The following HPS6 variants were observed in gnomAD, a reference collection of about 807,000 sequenced individuals.
The protein encoded by HPS6 is BLOC-2 complex member HPS6.
A neutral mutation model predicts 53.6 loss-of-function variants in HPS6; 46 were observed. That is an observed-to-expected ratio of 0.86 (90% confidence interval 0.68 to 1.10). HPS6 has a LOEUF of 1.10. Ranked by LOEUF, HPS6 falls within the 50% of genes least tolerant of loss-of-function variation. The probability of loss-of-function intolerance (pLI) is 0.00; values close to 1 mark genes in which losing one functional copy is unlikely to be tolerated. For synonymous variants in HPS6, 535 were observed against 470.8 expected (o/e 1.14, Z -1.77); for missense variants, 1,034 against 991.3 (o/e 1.04, Z -0.58).
chr10:102,067,429 C>T lies in HPS6; in HGVS notation c.1955C>T (p.Ala652Val). Residue 652 changes from alanine to valine, a missense_variant, in exon 1 of 1, where the codon GCT becomes GTT. Transcript: ENST00000299238. ...QLVQKEQWDR[A>V]LDAGLALGPS... ...GTGCAAAAGGAACAATGGGATCGGGCTCTGGATGCTGGCCTGGCCCTCGGC... is the reference window on the plus strand; with the variant it reads ...GTGCAAAAGGAACAATGGGATCGGGTTCTGGATGCTGGCCTGGCCCTCGGC... The T allele has an allele frequency of 6.2e-7, 1 of 1,613,216 alleles. No individual in the cohort carries two copies. Among genetic ancestry groups the T allele is most frequent in the Non-Finnish European group, 8.5e-7 (1 of 1,180,000 alleles).
Position 102,066,911 on chromosome 10 carries a change from G to A in HPS6, c.1437G>A (p.Glu479=), listed in dbSNP as rs779326573. 1.8e-5 allele frequency: 29 copies of A among 1,614,116 alleles called. No homozygotes were observed. The highest frequency in any genetic ancestry group is 5.0e-5 in the Admixed American group (3 of 60,008). The change falls in exon 1 of 1, where the codon GAG becomes GAA. Residue 479 remains glutamate (E), a synonymous_variant. Coordinates refer to ENST00000299238, the MANE Select transcript of HPS6 (RefSeq NM_024747.6). ...KAQLVAGDDE[E]AGWTELAEQE... is the part of the protein sequence containing the mutation. ...AGCTGGTGGCTGGGGATGATGAGGA[G>A]GCTGGTTGGACTGAGCTGGCGGAGC...
rs920246104 is a variant in HPS6 at position 102,067,426 on chromosome 10, G to C, written c.1952G>C (p.Arg651Pro). The C allele has an allele frequency of 4.3e-6, 7 of 1,613,108 alleles. No individual in the cohort carries two copies. The highest frequency in any genetic ancestry group is 4.5e-5 in the East Asian group (2 of 44,880). The change falls in exon 1 of 1, where the codon CGG becomes CCG. Residue 651 changes from arginine (R) to proline (P), a missense_variant. Transcript: ENST00000299238. ...GQLVQKEQWD[R>P]ALDAGLALGP... ...CTGGTGCAAAAGGAACAATGGGATC[G>C]GGCTCTGGATGCTGGCCTGGCCCTC...
In HPS6 at chr10:102,065,840, G is replaced by A. The variant is rs760893141; in HGVS notation, c.366G>A (p.Pro122=). The change falls in exon 1 of 1, where the codon CCG becomes CCA. Residue 122 remains proline, a synonymous_variant. Coordinates refer to ENST00000299238, the MANE Select transcript of HPS6 (RefSeq NM_024747.6). ...CGCTGCAGAGCACCGAGCTGTGTCC[G>A]GGCGGGGGAGCCCGCGTTGTGGCAG... The part of the protein sequence containing the change: ...WRPLQSTELC[P]GGGARVVAVA... The A allele has an allele frequency of 2.0e-6, 3 of 1,517,294 alleles. No individual in the cohort carries two copies. The highest frequency in any genetic ancestry group is 2.6e-6 in the Non-Finnish European group (3 of 1,138,934). The allele number at this position is 1,517,294 out of a possible 1,614,324, so 94.0% of individuals were successfully genotyped here. A position where few individuals can be genotyped will look rare whatever the true frequency, so the allele number is the denominator to read the frequency against.
Position 102,065,639 on chromosome 10 carries a change from G to A in HPS6, c.165G>A (p.Gln55=), listed in dbSNP as rs767944912. The change falls in exon 1 of 1, where the codon CAG becomes CAA. Residue 55 remains glutamine, a synonymous_variant. Coordinates refer to ENST00000299238, the MANE Select transcript of HPS6 (RefSeq NM_024747.6). ...LLRPPGAVAP[Q]LLVASRGPGA... ...GACCCCCTGGGGCGGTAGCCCCACA[G>A]CTGCTAGTCGCGTCGCGAGGGCCCG... The A allele has an allele frequency of 1.9e-6, 3 of 1,546,264 alleles. No individual in the cohort carries two copies. Among genetic ancestry groups the A allele is most frequent in the South Asian group, 1.2e-5 (1 of 84,722 alleles).
chr10:102,067,290 C>T lies in HPS6; in HGVS notation c.1816C>T (p.Arg606Cys), dbSNP rs200618225. Residue 606 changes from arginine to cysteine, a missense_variant, in exon 1 of 1, where the codon CGC becomes TGC. Physicochemically the swap from Arg to Cys is radical, Grantham distance 180 (BLOSUM62 -3). Transcript: ENST00000299238. ...AGGGGGCCCAGGACTGCCCCTGTATCGCCGAGCTCTGGCAGTGCTAGGTGA... is the reference window on the plus strand; with the variant it reads ...AGGGGGCCCAGGACTGCCCCTGTATTGCCGAGCTCTGGCAGTGCTAGGTGA... ...GAGGPGLPLY[R>C]RALAVLGEEG... The T allele has an allele frequency of 4.2e-5, 67 of 1,612,886 alleles. No homozygotes were observed. The Middle Eastern group carries it at 5.0e-4, about 12-fold the overall frequency.
In HPS6 at chr10:102,066,460, G is replaced by C; in HGVS notation, c.986G>C (p.Gly329Ala). 6.2e-7 allele frequency: 1 copy of C among 1,614,192 alleles called. No individual in the cohort carries two copies. Among genetic ancestry groups the C allele is most frequent in the Non-Finnish European group, 8.5e-7 (1 of 1,180,032 alleles). The change falls in exon 1 of 1, where the codon GGC becomes GCC. Residue 329 changes from glycine (G) to alanine (A), a missense_variant. Physicochemically the swap from Gly to Ala is moderately conservative, Grantham distance 60. Coordinates refer to ENST00000299238, the MANE Select transcript of HPS6 (RefSeq NM_024747.6). ...TFQGTLACVL[G>A]STLELLDMGS... ...CAGGGCACTCTGGCCTGTGTGCTGGGCTCCACATTGGAACTGCTGGACATG... is the reference window on the plus strand; with the variant it reads ...CAGGGCACTCTGGCCTGTGTGCTGGCCTCCACATTGGAACTGCTGGACATG...
chr10:102,066,228 C>T lies in HPS6; in HGVS notation c.754C>T (p.Arg252Trp), dbSNP rs559278390. The change falls in exon 1 of 1, where the codon CGG (arginine) becomes TGG (tryptophan). Residue 252 changes from arginine (R) to tryptophan (W), a missense_variant. Transcript: ENST00000299238. Reference sequence around the variant, plus strand: ...TGGACGAGGGGACACATGGGACTTCCGGACCCTGCTCCGAGGCCTTCCTGG... The same window carrying T: ...TGGACGAGGGGACACATGGGACTTCTGGACCCTGCTCCGAGGCCTTCCTGG... Reference protein sequence around the residue: ...NPGRGDTWDFRTLLRGLPGLL... With the variant: ...NPGRGDTWDFWTLLRGLPGLL... 3.7e-5 allele frequency: 60 copies of T among 1,613,780 alleles called. No homozygotes were observed. The highest frequency in any genetic ancestry group is 1.3e-4 in the African/African-American group (10 of 75,020).
Position 102,067,860 on chromosome 10 carries a change from T to C in HPS6, c.*58T>C. ...GGAGGCTTGCTTGGGACTGGAGGCT[T>C]GCTTGGACAGTTCCTCTGTGTCACT... On this transcript the variant is annotated 3_prime_UTR_variant, in exon 1 of 1. Transcript: ENST00000299238. 1 of 1,567,362 alleles carries C rather than the reference T, an allele frequency of 6.4e-7. No individual in the cohort carries two copies. The highest frequency in any genetic ancestry group is 2.2e-5 in the East Asian group (1 of 44,638).
Position 102,066,034 on chromosome 10 carries a change from A to G in HPS6, c.560A>G (p.His187Arg). 6.2e-7 allele frequency: 1 copy of G among 1,608,034 alleles called. No homozygotes were observed. The highest frequency in any genetic ancestry group is 8.5e-7 in the Non-Finnish European group (1 of 1,179,978). Residue 187 changes from histidine to arginine, a missense_variant, in exon 1 of 1, where the codon CAC becomes CGC. Transcript: ENST00000299238. ...GGCCGCACACACGTCCTGCTGCACC[A>G]CTGCCCTGCCTTCGGGCTGCTGGCC... The part of the protein sequence containing the change: ...SLGRTHVLLH[H>R]CPAFGLLASC...
rs202134132 is a variant in HPS6, at chr10:102,067,553, C to T, written c.2079C>T (p.Arg693=). The T allele has an allele frequency of 1.2e-6, 2 of 1,613,712 alleles. No homozygotes were observed. Among genetic ancestry groups the T allele is most frequent in the Non-Finnish European group, 1.7e-6 (2 of 1,180,034 alleles). Residue 693 remains arginine, a synonymous_variant, in exon 1 of 1, where the codon CGC becomes CGT. Coordinates refer to ENST00000299238, the MANE Select transcript of HPS6 (RefSeq NM_024747.6). ...ATGCTCACCTCCCCCTCCTTTGCCG[C>T]CTGTGCCCACCAGAACTGGCTCCAG... ...RLDAHLPLLC[R]LCPPELAPAE... is the part of the protein sequence containing the mutation.
chr10:102,065,477 GA>G lies in HPS6; in HGVS notation c.5del (p.Lys2SerfsTer12). M[K>X]RSGTLRLLSD... ...GCGCGCTCCCGCGCAGCGGCGCCATGAAGCGCTCGGGGACTCTGCGGCTGCT... is the reference window on the plus strand; with the variant it reads ...GCGCGCTCCCGCGCAGCGGCGCCATGAGCGCTCGGGGACTCTGCGGCTGCT... On this transcript the variant is annotated frameshift_variant, in exon 1 of 1. Coordinates refer to ENST00000299238, the MANE Select transcript of HPS6 (RefSeq NM_024747.6). LOFTEE classifies it low-confidence loss of function (END_TRUNC). 2.6e-6 allele frequency: 4 copies of G among 1,557,272 alleles called. No homozygotes were observed. Among genetic ancestry groups the G allele is most frequent in the African/African-American group, 2.8e-5 (2 of 71,210 alleles).
In HPS6 at chr10:102,067,931, C is replaced by G; in HGVS notation, c.*129C>G. The G allele has an allele frequency of 8.7e-7, 1 of 1,152,380 alleles. No individual in the cohort carries two copies. The highest frequency in any genetic ancestry group is 1.3e-6 in the Non-Finnish European group (1 of 771,572). 71.4% of individuals were successfully genotyped at this position (1,152,380 alleles called of 1,614,324 possible). A position where few individuals can be genotyped will look rare whatever the true frequency, so the allele number is the denominator to read the frequency against. ...GGACACAGTGATCAGGGAAGGGTGC[C>G]TGGGACTTGGAGGGTCCCATGTATG... On this transcript the variant is annotated 3_prime_UTR_variant, in exon 1 of 1. Coordinates refer to ENST00000299238, the MANE Select transcript of HPS6 (RefSeq NM_024747.6).
Position 102,067,471 on chromosome 10 carries a change from T to C in HPS6, c.1997T>C (p.Leu666Pro). Residue 666 changes from leucine (L) to proline (P), a missense_variant, in exon 1 of 1, where the codon CTT becomes CCT. By Grantham distance (98) the Leu-to-Pro change is moderately conservative (BLOSUM62 -3). Coordinates refer to ENST00000299238, the MANE Select transcript of HPS6 (RefSeq NM_024747.6). ...GLALGPSSPL[L>P]RSEIFKLLLA... ...GCCCTCGGCCCCTCCAGTCCCCTGC[T>C]TCGAAGTGAAATCTTCAAACTGCTG... 1.2e-6 allele frequency: 2 copies of C among 1,613,748 alleles called. No individual in the cohort carries two copies. The highest frequency in any genetic ancestry group is 4.5e-5 in the East Asian group (2 of 44,882).
chr10:102,067,336 C>T lies in HPS6; in HGVS notation c.1862C>T (p.Ala621Val), dbSNP rs1262039594. Residue 621 changes from alanine (A) to valine (V), a missense_variant, in exon 1 of 1, where the codon GCT (alanine) becomes GTT (valine). By Grantham distance (64) the Ala-to-Val change is moderately conservative. Coordinates refer to ENST00000299238, the MANE Select transcript of HPS6 (RefSeq NM_024747.6). ...VLGEEGTRPE[A>V]LELELLLSSG... ...GGTGAGGAGGGGACCAGGCCTGAGGCTCTGGAGCTAGAGCTGCTCTTGAGC... is the reference window on the plus strand; with the variant it reads ...GGTGAGGAGGGGACCAGGCCTGAGGTTCTGGAGCTAGAGCTGCTCTTGAGC... The T allele has an allele frequency of 1.2e-6, 2 of 1,613,108 alleles. No homozygotes were observed. The highest frequency in any genetic ancestry group is 2.7e-5 in the African/African-American group (2 of 74,932).
chr10:102,067,783 C>G lies in HPS6; in HGVS notation c.2309C>G (p.Thr770Ser). 2 of 1,613,104 alleles carry G rather than the reference C, an allele frequency of 1.2e-6. No individual in the cohort carries two copies. Among genetic ancestry groups the G allele is most frequent in the Non-Finnish European group, 1.7e-6 (2 of 1,180,028 alleles). The change falls in exon 1 of 1, where the codon ACT becomes AGT. Residue 770 changes from threonine (T) to serine (S), a missense_variant. Transcript: ENST00000299238. ...ILWDPSTPPP[T>S]PPRDL ...TGGGACCCCAGCACTCCACCCCCGA[C>G]TCCACCTCGGGACCTATGACTACCC...
At position 102,066,357 on chromosome 10, in the gene HPS6, C is replaced by G. The variant is rs2067970011; in HGVS notation, c.883C>G (p.His295Asp). The G allele has an allele frequency of 1.2e-6, 2 of 1,613,864 alleles. No homozygotes were observed. Among genetic ancestry groups the G allele is most frequent in the African/African-American group, 2.7e-5 (2 of 74,932 alleles). ...GGGCACTGTGAGCCTATTGCAGTCC[C>G]ACGGTGGTACGCGGGCTGTGGGCAC... Reference protein sequence around the residue: ...FGGTVSLLQSHGGTRAVGTLQ... With the variant: ...FGGTVSLLQSDGGTRAVGTLQ... The change falls in exon 1 of 1, where the codon CAC becomes GAC. Residue 295 changes from histidine to aspartate, a missense_variant. Physicochemically the swap from His to Asp is moderately conservative, Grantham distance 81. Coordinates refer to ENST00000299238, the MANE Select transcript of HPS6 (RefSeq NM_024747.6).
chr10:102,065,883 C>T lies in HPS6; in HGVS notation c.409C>T (p.Arg137Cys). ...TGTGGCAGTGGCGGCGCTCCGAGGC[C>T]GCCTGGTGTGGTGCGAGGAGCGGCA... ...RVVAVAALRG[R>C]LVWCEERQAR... The change falls in exon 1 of 1, where the codon CGC becomes TGC. Residue 137 changes from arginine (R) to cysteine (C), a missense_variant. Arg to Cys is a radical substitution (Grantham distance 180). Transcript: ENST00000299238. 1.3e-6 allele frequency: 2 copies of T among 1,535,184 alleles called. No homozygotes were observed. The highest frequency in any genetic ancestry group is 2.4e-5 in the South Asian group (2 of 84,452).
rs1458525076 is a variant in HPS6 at position 102,066,034 on chromosome 10, A to C, written c.560A>C (p.His187Pro). ...SLGRTHVLLH[H>P]CPAFGLLASC... ...GGCCGCACACACGTCCTGCTGCACC[A>C]CTGCCCTGCCTTCGGGCTGCTGGCC... The change falls in exon 1 of 1, where the codon CAC becomes CCC. Residue 187 changes from histidine to proline, a missense_variant. His to Pro is a moderately conservative substitution (Grantham distance 77, BLOSUM62 -2). Transcript: ENST00000299238. The C allele has an allele frequency of 2.5e-6, 4 of 1,608,034 alleles. No individual in the cohort carries two copies. The highest frequency in any genetic ancestry group is 3.4e-6 in the Non-Finnish European group (4 of 1,179,978).
chr10:102,067,285 T>C lies in HPS6; in HGVS notation c.1811T>C (p.Leu604Pro). 1 of 1,613,042 alleles carries C rather than the reference T, an allele frequency of 6.2e-7. No individual in the cohort carries two copies. The highest frequency in any genetic ancestry group is 8.5e-7 in the Non-Finnish European group (1 of 1,179,760). Residue 604 changes from leucine to proline, a missense_variant, in exon 1 of 1, where the codon CTG becomes CCG. Coordinates refer to ENST00000299238, the MANE Select transcript of HPS6 (RefSeq NM_024747.6). Reference protein sequence around the residue: ...GWGAGGPGLPLYRRALAVLGE... With the variant: ...GWGAGGPGLPPYRRALAVLGE... ...GGGGCAGGGGGCCCAGGACTGCCCC[T>C]GTATCGCCGAGCTCTGGCAGTGCTA...
Sources: gnomAD v4.1 joint callset for allele counts on GRCh38, gnomAD v4.1.1 for gene constraint, MANE v1.5 for transcripts, NCBI Gene and HGNC (gene_info 2026-07-23, HGNC 2026-07-21) for gene names.